Variants in MAPKBP1 observed in about 807,000 individuals in gnomAD.
MAPKBP1 encodes mitogen-activated protein kinase-binding protein 1.
In MAPKBP1, 71 loss-of-function variants were observed where a neutral mutation model predicts 170.5. That is an observed-to-expected ratio of 0.42 (90% CI 0.34 to 0.51). The LOEUF (loss-of-function observed/expected upper bound fraction) is 0.51, where lower values mean the gene tolerates loss of function less well. MAPKBP1 is among the 20% of genes least tolerant of loss of function. The pLI is 0.06. For synonymous variants in MAPKBP1, 719 were observed against 757.9 expected (o/e 0.95, Z 0.84); for missense variants, 1,598 against 1,933.0 (o/e 0.83, Z 3.25).
At chr15:41,808,995 G>A (rs2064755062) in intron 3 of MAPKBP1, among the ~76,000 whole-genome samples, 1 of 151,718 alleles carries the variant, frequency 6.6e-6, no homozygotes, top group Non-Finnish European at 1.5e-5. Flanking sequence ...GAGCCCAGGA[G>A]GTCGAGGCTG....
rs936548021 is a variant in MAPKBP1, at chr15:41,820,837, G to T, written c.2487G>T (p.Gln829His). The T allele has an allele frequency of 6.2e-7, 1 of 1,613,394 alleles. No individual in the cohort carries two copies. Among genetic ancestry groups the T allele is most frequent in the Non-Finnish European group, 8.5e-7 (1 of 1,179,638 alleles). ...SLSHWEMSRA[Q>H]ESVGFLDPAP... ...CACCCCCTACCTCCCACCAGGCACA[G>T]GAGTCCGTGGGGTTCCTGGACCCAG... Residue 829 changes from glutamine to histidine, a missense_variant, in exon 23 of 31, where the codon CAG (glutamine) becomes CAT (histidine). Coordinates refer to ENST00000457542, the MANE Select transcript of MAPKBP1 (RefSeq NM_014994.3).
chr15:41,814,600 T>C lies in MAPKBP1; in HGVS notation c.1031T>C (p.Leu344Ser), dbSNP rs2064858948. ...GCCAGGTATCCAGACACCATTGCCT[T>C]GACCTTTGATCCTACTAATCAGTGG... ...ANARYPDTIALTFDPTNQWLS... is the reference protein window; with the variant it reads ...ANARYPDTIASTFDPTNQWLS... Residue 344 changes from leucine (L) to serine (S), a missense_variant, in exon 10 of 31, where the codon TTG becomes TCG. Physicochemically the swap from Leu to Ser is moderately radical, Grantham distance 145 (BLOSUM62 -2). Around this residue, in one of 6 missense-constraint regions of MAPKBP1, gnomAD observed 430 missense variants for 617.2 expected, o/e 0.70. Coordinates refer to ENST00000457542, the MANE Select transcript of MAPKBP1 (RefSeq NM_014994.3). 1 of 1,614,092 alleles carries C rather than the reference T, an allele frequency of 6.2e-7. No homozygotes were observed. The highest frequency in any genetic ancestry group is 1.3e-5 in the African/African-American group (1 of 74,940).
Position 41,812,949 on chromosome 15 carries a change from T to C in MAPKBP1, c.667T>C (p.Ser223Pro), listed in dbSNP as rs950924488. 6 of 1,610,196 alleles carry C rather than the reference T, an allele frequency of 3.7e-6. No individual in the cohort carries two copies. Among genetic ancestry groups the C allele is most frequent in the Admixed American group, 1.7e-5 (1 of 59,638 alleles). Residue 223 changes from serine (S) to proline (P), a missense_variant, in exon 8 of 31, where the codon TCA becomes CCA. Around this residue, in one of 6 missense-constraint regions of MAPKBP1, gnomAD observed 430 missense variants for 617.2 expected, o/e 0.70. Transcript: ENST00000457542. ...TGCCACTGTGCCCTTGCTGGGCCGCTCAGGGCTGCTGGGAGAGCTACGGAA... is the reference window on the plus strand; with the variant it reads ...TGCCACTGTGCCCTTGCTGGGCCGCCCAGGGCTGCTGGGAGAGCTACGGAA... Reference protein sequence around the residue: ...VNATVPLLGRSGLLGELRNNL... With the variant: ...VNATVPLLGRPGLLGELRNNL...
rs563340961 is a variant in MAPKBP1 at position 41,812,608 on chromosome 15, C to A, written c.591C>A (p.Asn197Lys). ...EDCSYFVTAG[N>K]RHIKFWYLDD... ...GCAGCTACTTTGTCACTGCAGGCAA[C>A]CGACACATCAAATTCTGGTATCTCG... The change falls in exon 7 of 31, where the codon AAC becomes AAA. Residue 197 changes from asparagine (N) to lysine (K), a missense_variant. Physicochemically the swap from Asn to Lys is moderately conservative, Grantham distance 94. This residue lies in a region of MAPKBP1 where 430 missense variants were observed against 617.2 expected (regional missense o/e 0.70). Coordinates refer to ENST00000457542, the MANE Select transcript of MAPKBP1 (RefSeq NM_014994.3). 1 of 1,613,644 alleles carries A rather than the reference C, an allele frequency of 6.2e-7. No homozygotes were observed. Among genetic ancestry groups the A allele is most frequent in the African/African-American group, 1.3e-5 (1 of 75,038 alleles).
At position 41,825,233 on chromosome 15, in the gene MAPKBP1, G is replaced by C. The variant is rs1175460506; in HGVS notation, c.4324G>C (p.Ala1442Pro). The stretch of plus-strand genomic sequence containing the variant: ...GGTGGCTGGCTGCAAGATGCCCTCA[G>C]CAGAGCAAAGTCGGATTGCCCAGCT... Reference protein sequence around the residue: ...HSVAGCKMPSAEQSRIAQLLR... With the variant: ...HSVAGCKMPSPEQSRIAQLLR... The change falls in exon 31 of 31, where the codon GCA (alanine) becomes CCA (proline). Residue 1442 changes from alanine (A) to proline (P), a missense_variant. This residue lies in a region of MAPKBP1 where 942 missense variants were observed against 953.2 expected (regional missense o/e 0.99). Transcript: ENST00000457542. 1 of 1,596,600 alleles carries C rather than the reference G, an allele frequency of 6.3e-7. No individual in the cohort carries two copies.
rs2064844963 is a variant in MAPKBP1 at position 41,813,784 on chromosome 15, G to A, written c.980+3G>A. The A allele has an allele frequency of 6.3e-7, 1 of 1,580,720 alleles. No homozygotes were observed. Among genetic ancestry groups the A allele is most frequent in the Non-Finnish European group, 8.6e-7 (1 of 1,164,160 alleles). ...ATTGCTAGCGTCACCGAGGCCAGGT[G>A]AGCTATGTGGGCCCCCCTTCCTCCA... is the stretch of plus-strand genomic sequence containing the variant. On this transcript the variant is annotated splice_donor_region_variant and intron_variant, in intron 9 of 30. Coordinates refer to ENST00000457542, the MANE Select transcript of MAPKBP1 (RefSeq NM_014994.3).
In MAPKBP1 at chr15:41,823,122, T is replaced by C. The variant is rs2065029432; in HGVS notation, c.3498T>C (p.Arg1166=). The change falls in exon 28 of 31, where the codon CGT becomes CGC. Residue 1166 remains arginine (R), a synonymous_variant. Coordinates refer to ENST00000457542, the MANE Select transcript of MAPKBP1 (RefSeq NM_014994.3). The part of the protein sequence containing the change: ...QAASVLLPRC[R]LNPDSSWAPK... ...CCTCTGTGCTGTTGCCACGATGCCG[T>C]CTCAACCCTGACAGCAGCTGGGCTC... 6.2e-7 allele frequency: 1 copy of C among 1,613,606 alleles called. No homozygotes were observed. Among genetic ancestry groups the C allele is most frequent in the African/African-American group, 1.3e-5 (1 of 74,926 alleles).
intron 30 of MAPKBP1, 38 bp from the exon 31 acceptor site, chr15:41,825,171 C>T (rs1156699497): frequency 2.6e-6 from 4 of 1,519,494 alleles, no homozygotes; most frequent in Non-Finnish European, 3.6e-6. Flanking sequence ...TGTCTGTTGA[C>T]AGGCTCCTCC....
intron 3 of MAPKBP1, among the ~76,000 whole-genome samples, chr15:41,808,323 T>G (rs1390968393): frequency 1.3e-5 from 2 of 151,290 alleles, no homozygotes; most frequent in African/African-American, 4.9e-5. Flanking sequence ...GCCAGGATGG[T>G]CTCGATCTCC....
intron 3 of MAPKBP1, among the ~76,000 whole-genome samples, chr15:41,808,735 C>T (rs962896614): frequency 6.6e-6 from 1 of 152,002 alleles, no homozygotes; most frequent in Non-Finnish European, 1.5e-5. Flanking sequence ...CTCAGCCTCC[C>T]GAAGTGCTGG....
Position 41,821,601 on chromosome 15 carries a change from G to A in MAPKBP1, c.2736G>A (p.Arg912=). 1 of 1,613,004 alleles carries A rather than the reference G, an allele frequency of 6.2e-7. No individual in the cohort carries two copies. The highest frequency in any genetic ancestry group is 1.7e-4 in the Middle Eastern group (1 of 6,052). ...GTTCCCAGAATGAAAAGCCCCCTCGGCCTCAGGCTTCCCAACCTTGTTCCT... is the reference window on the plus strand; with the variant it reads ...GTTCCCAGAATGAAAAGCCCCCTCGACCTCAGGCTTCCCAACCTTGTTCCT... ...SLTSQNEKPP[R]PQASQPCSYP... is the part of the protein sequence containing the mutation. Residue 912 remains arginine (R), a synonymous_variant, in exon 24 of 31, where the codon CGG becomes CGA. Coordinates refer to ENST00000457542, the MANE Select transcript of MAPKBP1 (RefSeq NM_014994.3).
rs762955963 is a variant in MAPKBP1, at chr15:41,822,185, T to C, written c.3032-40T>C. 1.9e-6 allele frequency: 3 copies of C among 1,604,516 alleles called. No individual in the cohort carries two copies. The Admixed American group carries it at 5.0e-5, about 27-fold the overall frequency. ...TGGGTGGGGAGGCTCTGGCAACAGA[T>C]GGGTGCAGTGCGATGCCTCTCTCCC... On this transcript the variant is annotated intron_variant, in intron 25 of 30. Transcript: ENST00000457542.
intron 10 of MAPKBP1, 65 bp from the exon 11 acceptor site, chr15:41,815,194 C>A: frequency 6.3e-7 from 1 of 1,593,176 alleles, no homozygotes; most frequent in South Asian, 1.1e-5. Flanking sequence ...TCCCTTCCAT[C>A]TCCTTGGGTA....
In MAPKBP1 at chr15:41,821,669, T is replaced by C. The variant is rs1047091984; in HGVS notation, c.2804T>C (p.Phe935Ser). ...TTATTGTCACAAGAGGAAGGGGTCT[T>C]TGCCCAAGATCTGGAACCTGCACCC... ...IRLLSQEEGV[F>S]AQDLEPAPIE... is the part of the protein sequence containing the mutation. Residue 935 changes from phenylalanine (F) to serine (S), a missense_variant, in exon 24 of 31, where the codon TTT becomes TCT. Physicochemically the swap from Phe to Ser is radical, Grantham distance 155 (BLOSUM62 -2). Coordinates refer to ENST00000457542, the MANE Select transcript of MAPKBP1 (RefSeq NM_014994.3). The C allele has an allele frequency of 6.2e-7, 1 of 1,614,060 alleles. No individual in the cohort carries two copies. The highest frequency in any genetic ancestry group is 2.2e-5 in the East Asian group (1 of 44,894).
chr15:41,824,852 T>C (rs1211922920), intron 30 of MAPKBP1, among the ~76,000 whole-genome samples: 2 of 152,220 alleles, frequency 1.3e-5, no homozygotes, highest in African/African-American at 4.8e-5. Context: ...TTTATGTCGT[T>C]GTCCCAGTGT....
Position 41,816,952 on chromosome 15 carries a change from A to G in MAPKBP1, c.1628A>G (p.His543Arg), listed in dbSNP as rs761783954. The change falls in exon 14 of 31, where the codon CAT becomes CGT. Residue 543 changes from histidine to arginine, a missense_variant. Transcript: ENST00000457542. ...LASASRDRLI[H>R]VLDAGREYSL... Reference sequence around the variant, plus strand: ...TCGGCGAGCCGGGACCGGCTGATCCATGTGCTGGATGCCGGGCGGGAGTAC... The same window carrying G: ...TCGGCGAGCCGGGACCGGCTGATCCGTGTGCTGGATGCCGGGCGGGAGTAC... 4 of 1,612,702 alleles carry G rather than the reference A, an allele frequency of 2.5e-6. No individual in the cohort carries two copies. Among genetic ancestry groups the G allele is most frequent in the South Asian group, 1.1e-5 (1 of 90,930 alleles).
Position 41,822,231 on chromosome 15 carries a change from A to C in MAPKBP1, c.3038A>C (p.Glu1013Ala). 3.1e-6 allele frequency: 5 copies of C among 1,612,198 alleles called. No individual in the cohort carries two copies. Among genetic ancestry groups the C allele is most frequent in the African/African-American group, 1.3e-5 (1 of 74,996 alleles). The change falls in exon 26 of 31, where the codon GAG becomes GCG. Residue 1013 changes from glutamate to alanine, a missense_variant. Coordinates refer to ENST00000457542, the MANE Select transcript of MAPKBP1 (RefSeq NM_014994.3). ...SSPEHPTEDS[E>A]STEPLSVDGI... Reference sequence around the variant, plus strand: ...CTCCCCTCCCCACACCCAGACTCTGAGAGCACGGAGCCCCTCAGTGTGGAT... The same window carrying C: ...CTCCCCTCCCCACACCCAGACTCTGCGAGCACGGAGCCCCTCAGTGTGGAT...
chr15:41,813,811 T>A, intron 9 of MAPKBP1, 30 bp downstream of exon 9: 1 of 1,557,156 alleles, frequency 6.4e-7, no homozygotes, highest in Middle Eastern at 1.7e-4. Flanking sequence ...CTTCCTCCAT[T>A]TGTAGCCTTA....
In MAPKBP1 at chr15:41,817,664, G is replaced by A. The variant is rs749115120; in HGVS notation, c.1833G>A (p.Thr611=). 28 of 1,614,072 alleles carry A rather than the reference G, an allele frequency of 1.7e-5. No homozygotes were observed. In the Admixed American group the frequency reaches 2.8e-4, roughly 16 times the overall value. The change falls in exon 16 of 31, where the codon ACG becomes ACA. Residue 611 remains threonine (T), a synonymous_variant. Coordinates refer to ENST00000457542, the MANE Select transcript of MAPKBP1 (RefSeq NM_014994.3). The surrounding 1 kb of genome is among the most constrained non-coding windows in gnomAD (Gnocchi z 4.2). ...GGACACACCACGTGGTGCGGAAGAC[G>A]ACCCTCTATGACATGGATGTGGAGC... ...FTRTHHVVRK[T]TLYDMDVEPS...
Sources: gnomAD v4.1 joint callset for allele counts (sites outside exome capture counted in the v4.1 genomes callset) on GRCh38, gnomAD v4.1.1 for gene constraint, gnomAD v4.1.1 regional missense constraint, Gnocchi (gnomAD v3.1) non-coding constraint, MANE v1.5 for transcripts, NCBI Gene and HGNC (gene_info 2026-07-23, HGNC 2026-07-21) for gene names.